TELO2: variants seen among roughly 807,000 people sequenced by gnomAD.
TELO2 encodes the protein telomere maintenance 2.
Under a neutral mutation model 91.0 loss-of-function variants are expected in TELO2, and 71 were observed. The observed-to-expected ratio is 0.78, with a 90% CI of 0.64 to 0.95. The LOEUF (loss-of-function observed/expected upper bound fraction) is 0.95, where lower values mean the gene tolerates loss of function less well. Among genes scored for constraint, TELO2 ranks in the 40% least tolerant of loss-of-function variants. The pLI is 0.00. For missense variants in TELO2, 1,183 were observed against 1,141.3 expected (o/e 1.04, Z -0.53); for synonymous variants, 584 against 518.9 (o/e 1.13, Z -1.71).
At chr16:1,501,558 G>A (rs1287487349) in intron 10 of TELO2, 59 bp downstream of exon 10, 22 of 1,568,120 alleles carry the variant, frequency 1.4e-5, no homozygotes, top group East Asian at 2.3e-5. Flanking sequence ...TCTGGATTCC[G>A]CTGCCGGGAT....
In TELO2 at chr16:1,500,144, C is replaced by T. The variant is rs140327619; in HGVS notation, c.982C>T (p.Arg328Trp). The T allele has an allele frequency of 1.7e-5, 27 of 1,606,782 alleles. No homozygotes were observed. The highest frequency in any genetic ancestry group is 8.0e-5 in the African/African-American group (6 of 74,884). ...GGGCCATCTGGCCATGGACAGCCAG[C>T]GGCGCCCGCTCCTGCTGCAGGTACG... ...LLGHLAMDSQRRPLLLQVLKE... is the reference protein window; with the variant it reads ...LLGHLAMDSQWRPLLLQVLKE... The change falls in exon 7 of 21, where the codon CGG becomes TGG. Residue 328 changes from arginine to tryptophan, a missense_variant. By Grantham distance (101) the Arg-to-Trp change is moderately radical (BLOSUM62 -3). Coordinates refer to ENST00000262319, the MANE Select transcript of TELO2 (RefSeq NM_016111.4).
Position 1,505,690 on chromosome 16 carries a change from C to G in TELO2, c.2034+89C>G. 1 of 1,440,566 alleles carries G rather than the reference C, an allele frequency of 6.9e-7. No individual in the cohort carries two copies. Among genetic ancestry groups the G allele is most frequent in the South Asian group, 1.3e-5 (1 of 75,150 alleles). 89.2% of individuals were successfully genotyped at this position (1,440,566 alleles called of 1,614,324 possible). ...AGACACCTCCAGGCGCTGTCTGCAG[C>G]GAGGGGCGGCCACATTCGCTGGGGA... On this transcript the variant is annotated intron_variant, in intron 16 of 20. Transcript: ENST00000262319. This position sits in a 1 kb window ranked among gnomAD's most constrained non-coding sequence, Gnocchi z 4.3.
rs776099945 is a variant in TELO2, at chr16:1,495,630, C to A, written c.613+7C>A. The A allele has an allele frequency of 1.3e-6, 2 of 1,578,038 alleles. No homozygotes were observed. The highest frequency in any genetic ancestry group is 1.1e-5 in the South Asian group (1 of 88,700). The stretch of plus-strand genomic sequence containing the variant: ...GTTGTGGACTCTCTCCAAGGTGAGG[C>A]CCTGCCTCGGGGACCCCCTTTGCCA... On this transcript the variant is annotated splice_region_variant and intron_variant, in intron 3 of 20. Coordinates refer to ENST00000262319, the MANE Select transcript of TELO2 (RefSeq NM_016111.4).
chr16:1,502,458 G>A (rs2039726327), intron 13 of TELO2, 54 bp downstream of exon 13: 1 of 1,550,040 alleles, frequency 6.5e-7, no homozygotes, highest in Non-Finnish European at 8.7e-7. Flanking sequence ...CTCCCTCAAT[G>A]CCATCTGTGT....
Position 1,507,791 on chromosome 16 carries a change from T to A in TELO2, c.2407+75T>A, listed in dbSNP as rs1438187266. 270 of 946,776 alleles carry A rather than the reference T, an allele frequency of 2.9e-4. 4 individuals carry two copies. Among genetic ancestry groups the A allele is most frequent in the Non-Finnish European group, 3.5e-4 (251 of 711,902 alleles). The allele number at this position is 946,776 out of a possible 1,614,324, so 58.6% of individuals were successfully genotyped here. ...GTGTGTGTATGTGTGTGTGTGTGTG[T>A]GAGAGATGTGTCGGCCCGGGGTGTG... On this transcript the variant is annotated intron_variant, in intron 20 of 20. Coordinates refer to ENST00000262319, the MANE Select transcript of TELO2 (RefSeq NM_016111.4).
At chr16:1,499,894 C>T (rs1316865433) in intron 6 of TELO2, among the ~76,000 whole-genome samples, 3 of 152,190 alleles carry the variant, frequency 2.0e-5, no homozygotes, top group Non-Finnish European at 2.9e-5. Flanking sequence ...GGAATAGAGG[C>T]GGGTGGGTCG....
Position 1,507,582 on chromosome 16 carries a change from C to A in TELO2, c.2292-19C>A. 1 of 1,568,726 alleles carries A rather than the reference C, an allele frequency of 6.4e-7. No homozygotes were observed. ...GGTGTGGTCCCTGCCGAGCTCAGCC[C>A]CCGCCTTCTTGCCGGCAGCTACGTG... On this transcript the variant is annotated intron_variant, in intron 19 of 20. Coordinates refer to ENST00000262319, the MANE Select transcript of TELO2 (RefSeq NM_016111.4).
intron 9 of TELO2, 73 bp downstream of exon 9, chr16:1,500,772 A>G: frequency 6.4e-7 from 1 of 1,567,162 alleles, no homozygotes; most frequent in South Asian, 1.2e-5. Flanking sequence ...CTCCAGCCCC[A>G]GGGTCACCGC....
In TELO2 at chr16:1,495,468, G is replaced by A. The variant is rs1300747969; in HGVS notation, c.458G>A (p.Arg153Gln). The A allele has an allele frequency of 3.1e-6, 5 of 1,609,664 alleles. No homozygotes were observed. The highest frequency in any genetic ancestry group is 3.4e-6 in the Non-Finnish European group (4 of 1,179,316). ...ACGCAGCCCGGCTTCATCCTGCTCC[G>A]GGAGACGCTGCTGGGCAAGGTGGTG... ...QQTQPGFILL[R>Q]ETLLGKVVAL... The change falls in exon 3 of 21, where the codon CGG becomes CAG. Residue 153 changes from arginine to glutamine, a missense_variant. Transcript: ENST00000262319.
intron 6 of TELO2, among the ~76,000 whole-genome samples, chr16:1,499,696 C>T (rs898583611): frequency 6.6e-6 from 1 of 152,274 alleles, no homozygotes; most frequent in South Asian, 2.1e-4. Context: ...GCCTGGAGCC[C>T]GGAGGGGGTG....
intron 15 of TELO2, among the ~76,000 whole-genome samples, chr16:1,503,756 C>T (rs902257253): frequency 1.3e-5 from 2 of 152,108 alleles, no homozygotes; most frequent in Non-Finnish European, 2.9e-5. Flanking sequence ...CTTGGGAAGG[C>T]AAAAGAGTTC....
At chr16:1,500,891 CG>C (rs1404630270) in intron 9 of TELO2, among the ~76,000 whole-genome samples, 192 bp downstream of exon 9, 1 of 152,228 alleles carries the variant, frequency 6.6e-6, no homozygotes, top group African/African-American at 2.4e-5. Flanking sequence ...CACACAGGGT[CG>C]GGTGAGCACA....
chr16:1,494,619 G>A lies in TELO2; in HGVS notation c.335+3G>A. ...GAGACCATCGAGGGTGCTGCGGGGTGAGTGGGCTGGGCCCATCCTGGGGTT... is the reference window on the plus strand; with the variant it reads ...GAGACCATCGAGGGTGCTGCGGGGTAAGTGGGCTGGGCCCATCCTGGGGTT... On this transcript the variant is annotated splice_donor_region_variant and intron_variant, in intron 2 of 20. Transcript: ENST00000262319. The surrounding 1 kb of genome is among the most constrained non-coding windows in gnomAD (Gnocchi z 5.6). 1 of 1,609,960 alleles carries A rather than the reference G, an allele frequency of 6.2e-7. No individual in the cohort carries two copies. The highest frequency in any genetic ancestry group is 8.5e-7 in the Non-Finnish European group (1 of 1,177,976).
At chr16:1,503,892 G>T (rs1403177984) in intron 15 of TELO2, among the ~76,000 whole-genome samples, 1 of 152,134 alleles carries the variant, frequency 6.6e-6, no homozygotes, top group Non-Finnish European at 1.5e-5. Context: ...AGTGCTGTGG[G>T]AGACCAAAGT....
intron 20 of TELO2, 133 bp from the exon 21 acceptor site, chr16:1,509,697 C>A: frequency 1.3e-6 from 1 of 760,092 alleles, no homozygotes; most frequent in Non-Finnish European, 2.1e-6. Context: ...AGTCCGGGGT[C>A]ACTGCAGACC....
intron 17 of TELO2, chr16:1,506,588 G>A (rs1182979892): frequency 7.1e-7 from 1 of 1,404,026 alleles, no homozygotes; most frequent in East Asian, 2.7e-5. Flanking sequence ...GCCCGCACGT[G>A]CCCGACGCCA....
Position 1,506,796 on chromosome 16 carries a change from C to G in TELO2, c.2127-156C>G. The stretch of plus-strand genomic sequence containing the variant: ...CAGCCCTGCAGGGGGAGTAGGCACC[C>G]GGAAATGTCTGCTCCTACGATCTCG... On this transcript the variant is annotated intron_variant, in intron 17 of 20. Coordinates refer to ENST00000262319, the MANE Select transcript of TELO2 (RefSeq NM_016111.4). 3 of 1,417,280 alleles carry G rather than the reference C, an allele frequency of 2.1e-6. No homozygotes were observed. In the South Asian group the frequency reaches 4.5e-5, roughly 21 times the overall value. 87.8% of individuals were successfully genotyped at this position (1,417,280 alleles called of 1,614,324 possible).
In TELO2 at chr16:1,495,451, C is replaced by G; in HGVS notation, c.441C>G (p.Pro147=). The G allele has an allele frequency of 6.2e-7, 1 of 1,607,212 alleles. No homozygotes were observed. The highest frequency in any genetic ancestry group is 8.5e-7 in the Non-Finnish European group (1 of 1,178,192). ...CGCAGTGTCGGCAGCAGACGCAGCC[C>G]GGCTTCATCCTGCTCCGGGAGACGC... is the stretch of plus-strand genomic sequence containing the variant. The part of the protein sequence containing the change: ...MEAQCRQQTQ[P]GFILLRETLL... The change falls in exon 3 of 21, where the codon CCC becomes CCG. Residue 147 remains proline, a synonymous_variant. Transcript: ENST00000262319.
At chr16:1,496,931 G>C (rs750855997) in intron 3 of TELO2, 105 bp from the exon 4 acceptor site, 16 of 1,126,514 alleles carry the variant, frequency 1.4e-5, no homozygotes, top group Non-Finnish European at 2.1e-5. Flanking sequence ...AGTGAGTTTT[G>C]CTGTCGGTTG....
Sources: allele counts gnomAD v4.1 joint callset (sites outside exome capture counted in the v4.1 genomes callset), GRCh38; gene constraint gnomAD v4.1.1; non-coding constraint Gnocchi (gnomAD v3.1); transcripts MANE v1.5; gene names NCBI Gene and HGNC (gene_info 2026-07-23, HGNC 2026-07-21).